The following KCNH7 variants were observed in gnomAD, a reference collection of about 807,000 sequenced individuals.
The protein encoded by KCNH7 is potassium voltage-gated channel subfamily H member 7.
In KCNH7, 49 loss-of-function variants were observed where a neutral mutation model predicts 120.8. That is an observed-to-expected ratio of 0.41 (90% confidence interval 0.32 to 0.51). The LOEUF is 0.51. KCNH7 is among the 20% of genes least tolerant of loss of function. The pLI is 0.38. For missense variants in KCNH7, 1,097 were observed against 1,446.6 expected (o/e 0.76, Z 3.92); for synonymous variants, 547 against 516.1 (o/e 1.06, Z -0.81).
intron 2 of KCNH7, among the ~76,000 whole-genome samples, chr2:162,550,399 G>T (rs1692629585): frequency 6.6e-6 from 1 of 152,114 alleles, no homozygotes; most frequent in Non-Finnish European, 1.5e-5. Context: ...AAGCAGTGGG[G>T]ATTTCCACCA....
intron 2 of KCNH7, among the ~76,000 whole-genome samples, chr2:162,743,936 A>G (rs1574331761): frequency 6.6e-6 from 1 of 152,176 alleles, no homozygotes; most frequent in East Asian, 1.9e-4. Context: ...AAAATTATCT[A>G]GCAAATTTCA....
At chr2:162,540,286 T>A (rs1272377067) in intron 2 of KCNH7, among the ~76,000 whole-genome samples, 2 of 149,878 alleles carry the variant, frequency 1.3e-5, no homozygotes, top group Non-Finnish European at 2.9e-5. Flanking sequence ...TAGACTACAG[T>A]TCATATCCAC....
intron 6 of KCNH7, among the ~76,000 whole-genome samples, chr2:162,485,530 T>C (rs576010812): frequency 6.6e-6 from 1 of 152,336 alleles, no homozygotes; most frequent in Admixed American, 6.5e-5. Context: ...AAGGAAACTC[T>C]ACACGTCAGA....
At chr2:162,762,212 G>T (rs1276509237) in intron 2 of KCNH7, among the ~76,000 whole-genome samples, 4 of 149,102 alleles carry the variant, frequency 2.7e-5, no homozygotes, top group African/African-American at 9.9e-5. Context: ...TTGTTTGTTT[G>T]TTTTTTTTCT....
chr2:162,529,928 A>G (rs1230263365), intron 3 of KCNH7, among the ~76,000 whole-genome samples: 1 of 152,052 alleles, frequency 6.6e-6, no homozygotes, highest in Non-Finnish European at 1.5e-5. Context: ...TTTATTCAGT[A>G]CTTATCAAAA....
chr2:162,452,465 T>C (rs929113967), intron 6 of KCNH7, among the ~76,000 whole-genome samples: 2 of 152,094 alleles, frequency 1.3e-5, no homozygotes, highest in Non-Finnish European at 2.9e-5. Context: ...GCCTTCTGCA[T>C]ATCTAGTTCA....
In KCNH7 at chr2:162,838,434, C is replaced by A; in HGVS notation, c.76+9G>T. On this transcript the variant is annotated intron_variant, in intron 1 of 15. Transcript: ENST00000332142. ...AGCGAGGGCGAGAGAAGAGAACAAA[C>A]GAACTTACTTTGCCCTTCAAATTTC... The A allele has an allele frequency of 6.2e-7, 1 of 1,610,898 alleles. No homozygotes were observed. Among genetic ancestry groups the A allele is most frequent in the Non-Finnish European group, 8.5e-7 (1 of 1,177,150 alleles).
chr2:162,671,018 A>G (rs975476425), intron 2 of KCNH7, among the ~76,000 whole-genome samples: 2 of 152,148 alleles, frequency 1.3e-5, no homozygotes, highest in Non-Finnish European at 2.9e-5. Context: ...TAAAACCACA[A>G]TGAGATACCA....
At chr2:162,594,740 A>G (rs1694320776) in intron 2 of KCNH7, among the ~76,000 whole-genome samples, 1 of 152,020 alleles carries the variant, frequency 6.6e-6, no homozygotes, top group South Asian at 2.1e-4. Flanking sequence ...TAGTATTTAC[A>G]TTGAAATTAA....
At chr2:162,604,836 G>T (rs1359621217) in intron 2 of KCNH7, among the ~76,000 whole-genome samples, 1 of 151,940 alleles carries the variant, frequency 6.6e-6, no homozygotes, top group Non-Finnish European at 1.5e-5. Context: ...AGGAGGAAAA[G>T]AACAATTCCA....
At chr2:162,529,478 G>A (rs1367951064) in intron 3 of KCNH7, among the ~76,000 whole-genome samples, 1 of 151,914 alleles carries the variant, frequency 6.6e-6, no homozygotes, top group African/African-American at 2.4e-5. Context: ...GCATGTATCT[G>A]TGTGTGAATC....
rs538491935 is a variant in KCNH7, at chr2:162,787,461, G to A, written c.307+49076C>T. ...ACCCGGTGCCAGGCCAGCCTCTGTG[G>A]CCCTGAGCACCAGGCTGGCATCCAC... On this transcript the variant is annotated intron_variant, in intron 2 of 15. Transcript: ENST00000332142. Among the ~76,000 whole-genome samples, 929 of 152,256 alleles carry A rather than the reference G, an allele frequency of 6.1e-3. 5 individuals carry two copies. The highest frequency in any genetic ancestry group is 0.011 in the Non-Finnish European group (726 of 68,010).
chr2:162,507,585 G>T (rs1187043085), intron 5 of KCNH7, among the ~76,000 whole-genome samples: 1 of 151,420 alleles, frequency 6.6e-6, no homozygotes, highest in African/African-American at 2.4e-5. Context: ...AAGCATGTTT[G>T]CAGGATCTTT....
At chr2:162,560,727 C>A (rs1019975714) in intron 2 of KCNH7, among the ~76,000 whole-genome samples, 4 of 152,168 alleles carry the variant, frequency 2.6e-5, no homozygotes, top group Non-Finnish European at 4.4e-5. Context: ...AGCACCAGAT[C>A]AAACTGATGT....
chr2:162,434,021 A>G (rs541776469), intron 8 of KCNH7, among the ~76,000 whole-genome samples: 1 of 152,110 alleles, frequency 6.6e-6, no homozygotes, highest in South Asian at 2.1e-4. Flanking sequence ...AACGTAGTAC[A>G]TATACAATAT....
At chr2:162,577,389 CTAT>C (rs754714191) in intron 2 of KCNH7, among the ~76,000 whole-genome samples, 4 of 150,778 alleles carry the variant, frequency 2.7e-5, no homozygotes, top group African/African-American at 9.8e-5. Context: ...ATCTATCTAT[CTAT>C]CTATCCATCT....
chr2:162,540,369 A>C (rs749181316), intron 2 of KCNH7, among the ~76,000 whole-genome samples: 2 of 152,110 alleles, frequency 1.3e-5, no homozygotes, highest in Non-Finnish European at 1.5e-5. Flanking sequence ...AATTTTAATA[A>C]AATTTTTAGA....
chr2:162,383,476 A>C (rs955974165), intron 13 of KCNH7, among the ~76,000 whole-genome samples: 1 of 151,966 alleles, frequency 6.6e-6, no homozygotes, highest in African/African-American at 2.4e-5. Context: ...GGGTCATGAA[A>C]AAAGTGGGTG....
intron 2 of KCNH7, among the ~76,000 whole-genome samples, chr2:162,703,790 G>A (rs1029515622): frequency 1.3e-5 from 2 of 152,152 alleles, no homozygotes; most frequent in South Asian, 2.1e-4. Flanking sequence ...ACAGTACTAG[G>A]AGAATAACAG....
Sources: gnomAD v4.1 joint callset for allele counts (sites outside exome capture counted in the v4.1 genomes callset) on GRCh38, gnomAD v4.1.1 for gene constraint, MANE v1.5 for transcripts, NCBI Gene and HGNC (gene_info 2026-07-23, HGNC 2026-07-21) for gene names.